Variants in NXPE4 observed in about 807,000 individuals in gnomAD.
The protein encoded by NXPE4 is NXPE family member 4.
Under a neutral mutation model 33.3 loss-of-function variants are expected in NXPE4, and 42 were observed. The observed-to-expected ratio is 1.26, with a 90% CI of 0.98 to 1.63. The LOEUF (loss-of-function observed/expected upper bound fraction) is 1.63. NXPE4 is among the 40% of genes most tolerant of loss of function. The pLI is 0.00. For missense variants in NXPE4, 709 were observed against 647.6 expected (o/e 1.09, Z -1.03); for synonymous variants, 253 against 234.9 (o/e 1.08, Z -0.71).
At chr11:114,577,015 A>ATATATATATACATATATATATAAAGT (rs1949012780) in intron 5 of NXPE4, among the ~76,000 whole-genome samples, 1 of 72,010 alleles carries the variant, frequency 1.4e-5, no homozygotes, top group African/African-American at 7.7e-5. Context: ...AAAGTTATAT[A>ATATATATATACATATATATATAAAGT]TATATATATA....
rs149336636 is a variant in NXPE4 at position 114,582,213 on chromosome 11, G to T, written c.830+75C>A. 1.9e-5 allele frequency: 28 copies of T among 1,458,010 alleles called. No individual in the cohort carries two copies. The East Asian group carries it at 5.7e-4, about 30-fold the overall frequency. 90.3% of individuals were successfully genotyped at this position (1,458,010 alleles called of 1,614,324 possible). On this transcript the variant is annotated intron_variant, in intron 3 of 5. Coordinates refer to ENST00000375478, the MANE Select transcript of NXPE4 (RefSeq NM_001077639.2). ...ACACCCAAAATTAATACACTCACAA[G>T]ACTTTTCTTTGGATCAGTATATAGG...
chr11:114,620,701 G>A, the NXPE4 span, among the ~76,000 whole-genome samples: 1 of 152,012 alleles, frequency 6.6e-6, no homozygotes, highest in South Asian at 2.1e-4. Context: ...GTTACCTGGT[G>A]GATAATAAGT....
upstream of NXPE4, among the ~76,000 whole-genome samples, chr11:114,598,150 T>A (rs1417765779): frequency 6.6e-6 from 1 of 152,178 alleles, no homozygotes; most frequent in African/African-American, 2.4e-5. Flanking sequence ...ACAGGCTTCA[T>A]GCAAGTTCAA....
At chr11:114,652,027 A>G in the NXPE4 span, among the ~76,000 whole-genome samples, 1 of 152,238 alleles carries the variant, frequency 6.6e-6, no homozygotes, top group Non-Finnish European at 1.5e-5. Flanking sequence ...TTGGAACTCC[A>G]AAGCATTTGT....
At chr11:114,637,288 C>G in the NXPE4 span, among the ~76,000 whole-genome samples, 1 of 151,606 alleles carries the variant, frequency 6.6e-6, no homozygotes, top group Non-Finnish European at 1.5e-5. Flanking sequence ...ATTGCAATCC[C>G]TGCATTTTTT....
chr11:114,613,494 T>C, the NXPE4 span, among the ~76,000 whole-genome samples: 1 of 152,094 alleles, frequency 6.6e-6, no homozygotes, highest in African/African-American at 2.4e-5. Context: ...GGGTAACCAC[T>C]ATTACCCAGT....
At chr11:114,611,876 A>T in the NXPE4 span, among the ~76,000 whole-genome samples, 1 of 151,842 alleles carries the variant, frequency 6.6e-6, no homozygotes. Context: ...GTGTATGAGA[A>T]ATATTGCCTC....
At chr11:114,629,076 C>T in the NXPE4 span, among the ~76,000 whole-genome samples, 3 of 152,018 alleles carry the variant, frequency 2.0e-5, no homozygotes, top group African/African-American at 4.8e-5. Context: ...GATTCACAGT[C>T]GAATTCTACC....
chr11:114,674,882 A>G, the NXPE4 span, among the ~76,000 whole-genome samples: 1 of 151,884 alleles, frequency 6.6e-6, no homozygotes. Flanking sequence ...TCCCTAATGA[A>G]CATAGATGCA....
chr11:114,673,422 G>A, the NXPE4 span, among the ~76,000 whole-genome samples: 1 of 151,158 alleles, frequency 6.6e-6, no homozygotes, highest in Non-Finnish European at 1.5e-5. Flanking sequence ...AAGGACACTG[G>A]AAAATGTAGA....
chr11:114,576,371 A>G (rs1948994343), intron 5 of NXPE4, among the ~76,000 whole-genome samples: 1 of 152,036 alleles, frequency 6.6e-6, no homozygotes, highest in Non-Finnish European at 1.5e-5. Context: ...TAAACTAAAA[A>G]CTTCTGCATA....
chr11:114,638,268 C>T, the NXPE4 span, among the ~76,000 whole-genome samples: 6 of 152,068 alleles, frequency 3.9e-5, no homozygotes, highest in African/African-American at 1.4e-4. Context: ...GCTCCTGAGG[C>T]TTCTGCATTC....
chr11:114,625,837 G>A, the NXPE4 span, among the ~76,000 whole-genome samples: 2 of 152,158 alleles, frequency 1.3e-5, no homozygotes, highest in African/African-American at 4.8e-5. Context: ...GCAAGCTGAA[G>A]CATGGTGAGG....
At chr11:114,627,097 A>C in the NXPE4 span, among the ~76,000 whole-genome samples, 55 of 152,116 alleles carry the variant, frequency 3.6e-4, no homozygotes, top group African/African-American at 1.3e-3. Context: ...AACACTCTGC[A>C]GGATATTATC....
At chr11:114,654,894 A>C in the NXPE4 span, among the ~76,000 whole-genome samples, 1 of 152,186 alleles carries the variant, frequency 6.6e-6, no homozygotes, top group Non-Finnish European at 1.5e-5. Context: ...AGGAATCGCT[A>C]TACTGTCTTC....
chr11:114,636,101 C>CTT, the NXPE4 span, among the ~76,000 whole-genome samples: 149,602 of 151,710 alleles, frequency 0.99, 73,778 homozygotes, highest in Middle Eastern at 1. Context: ...GTCCTGGACT[C>CTT]TTTCGTTGGT....
chr11:114,670,068 C>A, the NXPE4 span, among the ~76,000 whole-genome samples: 1 of 152,014 alleles, frequency 6.6e-6, no homozygotes, highest in African/African-American at 2.4e-5. Context: ...AGAATTAGAA[C>A]AAACCTCAAA....
the NXPE4 span, among the ~76,000 whole-genome samples, chr11:114,617,097 TAA>T: frequency 5.3e-5 from 8 of 151,998 alleles, no homozygotes; most frequent in Admixed American, 3.9e-4. Context: ...GCATGGATAA[TAA>T]GTGTTGCCTC....
At chr11:114,614,629 G>A in the NXPE4 span, among the ~76,000 whole-genome samples, 1 of 151,374 alleles carries the variant, frequency 6.6e-6, no homozygotes, top group Non-Finnish European at 1.5e-5. Flanking sequence ...TTACCTGGTG[G>A]ATTATAAGTA....
Sources: gnomAD v4.1 joint callset for allele counts (sites outside exome capture counted in the v4.1 genomes callset) on GRCh38, gnomAD v4.1.1 for gene constraint, MANE v1.5 for transcripts, NCBI Gene and HGNC (gene_info 2026-07-23, HGNC 2026-07-21) for gene names.